Variants in SIPA1L1 observed in about 807,000 individuals in gnomAD.
SIPA1L1 encodes signal-induced proliferation-associated 1-like protein 1.
A neutral mutation model predicts 162.7 loss-of-function variants in SIPA1L1; 26 were observed. The ratio of observed to expected loss-of-function variants is 0.16; its 90% confidence interval spans 0.12 to 0.22. The LOEUF (loss-of-function observed/expected upper bound fraction) is 0.22. SIPA1L1 is among the 10% of genes least tolerant of loss of function. SIPA1L1 has a pLI of 1.00. For synonymous variants in SIPA1L1, 829 were observed against 837.4 expected, an observed-to-expected ratio of 0.99 and a Z score of 0.17; for missense variants, 1,874 against 2,241.0, an observed-to-expected ratio of 0.84 and a Z score of 3.31.
At chr14:71,699,369 C>A (rs922187967) in intron 14 of SIPA1L1, among the ~76,000 whole-genome samples, 5 of 152,158 alleles carry the variant, frequency 3.3e-5, no homozygotes, top group African/African-American at 1.2e-4. Context: ...AATCAAATTG[C>A]ATTAGTTTGT....
intron 2 of SIPA1L1, among the ~76,000 whole-genome samples, chr14:71,395,133 A>G (rs2041079120): frequency 6.6e-6 from 1 of 152,216 alleles, no homozygotes; most frequent in East Asian, 1.9e-4. Flanking sequence ...CATCAGATCT[A>G]CAAAATACAC....
chr14:71,426,215 T>G (rs971199268), intron 2 of SIPA1L1, among the ~76,000 whole-genome samples: 5 of 152,096 alleles, frequency 3.3e-5, no homozygotes, highest in African/African-American at 1.2e-4. Flanking sequence ...CTTTTTTGAT[T>G]AGAGAGTTTA....
At chr14:71,403,599 CAAA>C (rs147285643) in intron 2 of SIPA1L1, among the ~76,000 whole-genome samples, 13 of 69,252 alleles carry the variant, frequency 1.9e-4, no homozygotes, top group East Asian at 8.7e-4. Context: ...GACTCTGTCT[CAAA>C]AAAAAAAAAA....
Position 71,709,678 on chromosome 14 carries a change from C to T in SIPA1L1, c.4208+14C>T. 1.3e-6 allele frequency: 2 copies of T among 1,598,766 alleles called. No individual in the cohort carries two copies. Among genetic ancestry groups the T allele is most frequent in the Non-Finnish European group, 1.7e-6 (2 of 1,171,002 alleles). On this transcript the variant is annotated intron_variant, in intron 17 of 23. Transcript: ENST00000381232. ...TTCCCACACAAGGTAACCACCCTTC[C>T]CCGCTGTCTGATTCCCAGCCCAGAC... is the stretch of plus-strand genomic sequence containing the variant.
At chr14:71,397,132 G>A (rs889586468) in intron 2 of SIPA1L1, among the ~76,000 whole-genome samples, 1 of 152,100 alleles carries the variant, frequency 6.6e-6, no homozygotes, top group African/African-American at 2.4e-5. Flanking sequence ...TAGAAATACT[G>A]TTTCTGAGAA....
chr14:71,465,080 T>C (rs2046893701), intron 2 of SIPA1L1, among the ~76,000 whole-genome samples: 2 of 152,182 alleles, frequency 1.3e-5, no homozygotes, highest in Admixed American at 1.3e-4. Context: ...TTGCCGCTAC[T>C]GGAGATGGGG....
intron 2 of SIPA1L1, among the ~76,000 whole-genome samples, chr14:71,356,256 GT>G (rs1167963087): frequency 1.3e-5 from 2 of 151,796 alleles, no homozygotes; most frequent in East Asian, 3.9e-4. Flanking sequence ...GGGAAGTGAG[GT>G]TTACACAGTA....
intron 4 of SIPA1L1, among the ~76,000 whole-genome samples, chr14:71,561,352 A>G (rs981414416): frequency 1.3e-5 from 2 of 152,094 alleles, no homozygotes; most frequent in South Asian, 2.1e-4. Context: ...AATGTTGTAT[A>G]TTACTTTCTT....
intron 2 of SIPA1L1, among the ~76,000 whole-genome samples, chr14:71,427,358 A>G (rs1364769537): frequency 6.6e-6 from 1 of 152,092 alleles, no homozygotes; most frequent in Non-Finnish European, 1.5e-5. Flanking sequence ...ATATCTTCCT[A>G]CTGCCTTTTG....
At chr14:71,627,997 G>A (rs1389853673) in intron 7 of SIPA1L1, among the ~76,000 whole-genome samples, 5 of 151,974 alleles carry the variant, frequency 3.3e-5, no homozygotes, top group African/African-American at 1.2e-4. Context: ...TTAAAACTAT[G>A]CTGTAGGCTG....
chr14:71,448,035 T>C (rs1056820780), intron 2 of SIPA1L1, among the ~76,000 whole-genome samples: 13 of 152,308 alleles, frequency 8.5e-5, no homozygotes, highest in South Asian at 6.2e-4. Flanking sequence ...GCCAGAGATA[T>C]TTTCTTGTGG....
chr14:71,370,017 C>G (rs1261332519), intron 2 of SIPA1L1, among the ~76,000 whole-genome samples: 1 of 132,192 alleles, frequency 7.6e-6, no homozygotes, highest in African/African-American at 2.8e-5. Context: ...GATTTTGTAT[C>G]CTGAGACTTT....
At chr14:71,585,488 G>A (rs1428786525) in intron 4 of SIPA1L1, among the ~76,000 whole-genome samples, 1 of 152,192 alleles carries the variant, frequency 6.6e-6, no homozygotes, top group Non-Finnish European at 1.5e-5. Context: ...TACTGATGGT[G>A]GAGACTGAGC....
At chr14:71,639,068 G>T (rs913458872) in intron 7 of SIPA1L1, among the ~76,000 whole-genome samples, 1 of 152,098 alleles carries the variant, frequency 6.6e-6, no homozygotes, top group Admixed American at 6.5e-5. Flanking sequence ...AACAAAACAT[G>T]AATAGGACTT....
intron 2 of SIPA1L1, among the ~76,000 whole-genome samples, chr14:71,389,503 T>C (rs977029660): frequency 2.0e-5 from 3 of 152,232 alleles, no homozygotes; most frequent in Non-Finnish European, 2.9e-5. Flanking sequence ...AAATCTGACA[T>C]CTACTTAAAG....
chr14:71,642,335 C>G (rs1023826952), intron 7 of SIPA1L1, among the ~76,000 whole-genome samples: 1 of 152,032 alleles, frequency 6.6e-6, no homozygotes, highest in Non-Finnish European at 1.5e-5. Context: ...TCCAGGGAGG[C>G]TAGAATTCGC....
chr14:71,574,562 C>T (rs1434879617), intron 4 of SIPA1L1: 2 of 152,188 alleles, frequency 1.3e-5, no homozygotes, highest in African/African-American at 2.4e-5. Flanking sequence ...TGCTAATATG[C>T]ACCTTATAAA....
rs776191111 is a variant in SIPA1L1, at chr14:71,698,960, G to A, written c.3375-21G>A. On this transcript the variant is annotated intron_variant, in intron 13 of 23. Coordinates refer to ENST00000381232, the MANE Select transcript of SIPA1L1 (RefSeq NM_001386936.1). ...TTTCCCTTTGAATTGTTGACTTCAT[G>A]TTTTTGTATTGCACATGCAGGCTGT... The A allele has an allele frequency of 3.7e-6, 6 of 1,613,978 alleles. No homozygotes were observed. The South Asian group carries it at 6.6e-5, about 18-fold the overall frequency.
At chr14:71,472,485 T>G (rs2047539240) in intron 2 of SIPA1L1, among the ~76,000 whole-genome samples, 1 of 152,068 alleles carries the variant, frequency 6.6e-6, no homozygotes, top group Admixed American at 6.6e-5. Context: ...GATTGCTTCT[T>G]GAGAGCTTTG....
Sources: gnomAD v4.1 joint callset for allele counts (sites outside exome capture counted in the v4.1 genomes callset) on GRCh38, gnomAD v4.1.1 for gene constraint, MANE v1.5 for transcripts, NCBI Gene and HGNC (gene_info 2026-07-23, HGNC 2026-07-21) for gene names.